Variants in CEP63 observed in about 807,000 individuals in gnomAD.
CEP63 encodes centrosomal protein 63, also known as centrosomal protein of 63 kDa.
A neutral mutation model predicts 89.1 loss-of-function variants in CEP63; 84 were observed. The ratio of observed to expected loss-of-function variants is 0.94; its 90% CI spans 0.79 to 1.13. The LOEUF is 1.13. Among genes scored for constraint, CEP63 ranks in the 50% most tolerant of loss-of-function variants. The pLI is 0.00. For synonymous variants in CEP63, 267 were observed against 272.5 expected, an observed-to-expected ratio of 0.98 and a Z score of 0.20; for missense variants, 838 against 813.3, an observed-to-expected ratio of 1.03 and a Z score of -0.37.
At chr3:134,608,734 C>T in the CEP63 span, 6 of 1,614,062 alleles carry the variant, frequency 3.7e-6, no homozygotes, top group Non-Finnish European at 5.1e-6. Flanking sequence ...TGTTCTCAAA[C>T]TGCCTCAGAG....
At chr3:134,686,507 G>A in the CEP63 span, among the ~76,000 whole-genome samples, 1 of 152,196 alleles carries the variant, frequency 6.6e-6, no homozygotes, top group Non-Finnish European at 1.5e-5. Context: ...CCCACAGTCA[G>A]AAGCCTTGCA....
chr3:134,612,565 A>G, the CEP63 span, among the ~76,000 whole-genome samples: 1 of 152,152 alleles, frequency 6.6e-6, no homozygotes, highest in African/African-American at 2.4e-5. Context: ...GCAAGGCCAG[A>G]GGAGTGGGTA....
chr3:134,598,965 C>T, the CEP63 span, among the ~76,000 whole-genome samples: 9 of 152,344 alleles, frequency 5.9e-5, no homozygotes, highest in African/African-American at 2.2e-4. Context: ...GGGCTTTCTC[C>T]AGCCCCTTGC....
chr3:134,588,431 TA>T (rs573340840), downstream of CEP63, among the ~76,000 whole-genome samples: 351 of 152,098 alleles, frequency 2.3e-3, 4 homozygotes, highest in Non-Finnish European at 9.3e-4. Context: ...AGATGGTATT[TA>T]AAAAAAATAT....
chr3:134,745,670 C>T, the CEP63 span, among the ~76,000 whole-genome samples: 1 of 151,984 alleles, frequency 6.6e-6, no homozygotes, highest in Non-Finnish European at 1.5e-5. Flanking sequence ...TCTCTTAATG[C>T]TATCTTTCCC....
intron 3 of CEP63, among the ~76,000 whole-genome samples, chr3:134,512,605 A>T (rs763862686): frequency 6.7e-4 from 101 of 150,506 alleles, no homozygotes; most frequent in Non-Finnish European, 1.2e-3. Context: ...TAGGATTCTT[A>T]CTTCTGTGAG....
the CEP63 span, among the ~76,000 whole-genome samples, chr3:134,716,700 G>C: frequency 6.6e-6 from 1 of 152,072 alleles, no homozygotes; most frequent in Non-Finnish European, 1.5e-5. Flanking sequence ...TCCTCTGTTG[G>C]TACTGTCTTC....
chr3:134,625,930 C>T, the CEP63 span, among the ~76,000 whole-genome samples: 1 of 152,280 alleles, frequency 6.6e-6, no homozygotes, highest in Non-Finnish European at 1.5e-5. Context: ...GGCCAGCAAT[C>T]ATGCAAGCTT....
intron 11 of CEP63, among the ~76,000 whole-genome samples, chr3:134,573,547 G>A (rs1339612936): frequency 6.6e-6 from 1 of 152,146 alleles, no homozygotes; most frequent in Non-Finnish European, 1.5e-5. Context: ...CTTTGTTGAA[G>A]ATCAGATGGC....
the CEP63 span, among the ~76,000 whole-genome samples, chr3:134,611,223 A>C: frequency 3.3e-5 from 5 of 152,344 alleles, no homozygotes; most frequent in African/African-American, 4.8e-5. Context: ...TTCACTGCTC[A>C]TAGTAGAGCT....
the CEP63 span, among the ~76,000 whole-genome samples, chr3:134,611,172 C>T: frequency 6.6e-6 from 1 of 152,236 alleles, no homozygotes; most frequent in African/African-American, 2.4e-5. Flanking sequence ...AAATGCCGAC[C>T]AGTCAACCTG....
the CEP63 span, chr3:134,625,270 C>G: frequency 1.4e-6 from 1 of 733,352 alleles, no homozygotes. Flanking sequence ...AACATTGAGC[C>G]TAAGAGCTAT....
the CEP63 span, chr3:134,608,429 T>C: frequency 2.7e-6 from 4 of 1,505,180 alleles, no homozygotes; most frequent in Non-Finnish European, 3.5e-6. Context: ...TGAGCTTTTG[T>C]CCCTGCTGAT....
intron 2 of CEP63, among the ~76,000 whole-genome samples, chr3:134,504,375 C>G (rs13071852): frequency 0.18 from 27,626 of 152,092 alleles, 3,279 homozygotes; most frequent in Non-Finnish European, 0.27. Context: ...TTCTTAGACA[C>G]CAGTTTTATT....
the CEP63 span, among the ~76,000 whole-genome samples, chr3:134,625,857 G>A: frequency 2.6e-5 from 4 of 152,254 alleles, no homozygotes; most frequent in African/African-American, 7.2e-5. Context: ...ACCAAACCAC[G>A]AGTCAGGTCT....
the CEP63 span, among the ~76,000 whole-genome samples, chr3:134,773,055 G>T: frequency 1.3e-5 from 2 of 152,320 alleles, no homozygotes; most frequent in African/African-American, 4.8e-5. Context: ...TCTGCCAAGG[G>T]TGCCTGCAGC....
chr3:134,620,623 T>C, the CEP63 span: 2 of 671,492 alleles, frequency 3.0e-6, no homozygotes, highest in African/African-American at 1.8e-5. Context: ...ATCAGTCCAG[T>C]CTTCTGGGTC....
rs1256901849 is a variant in CEP63, at chr3:134,564,275, C to T, written c.*2740C>T. 1.5e-5 allele frequency: 15 copies of T among 985,282 alleles called. No individual in the cohort carries two copies. The highest frequency in any genetic ancestry group is 1.8e-5 in the Non-Finnish European group (15 of 829,968). 61.0% of individuals were successfully genotyped at this position (985,282 alleles called of 1,614,324 possible). A position where few individuals can be genotyped will look rare whatever the true frequency, so the allele number is the denominator to read the frequency against. On this transcript the variant is annotated 3_prime_UTR_variant, in exon 15 of 15. Coordinates refer to ENST00000675561, the MANE Select transcript of CEP63 (RefSeq NM_001353108.3). ...ATGCCATTCCTGAGGTGCACCACATCGTTTCTTTTGTGTTGGTGTGCATGC... is the reference window on the plus strand; with the variant it reads ...ATGCCATTCCTGAGGTGCACCACATTGTTTCTTTTGTGTTGGTGTGCATGC...
At chr3:134,670,583 A>C in the CEP63 span, among the ~76,000 whole-genome samples, 5 of 152,376 alleles carry the variant, frequency 3.3e-5, no homozygotes, top group East Asian at 7.7e-4. Context: ...AGGACAGTGA[A>C]GTCTGATGAC....
Sources: gnomAD v4.1 joint callset for allele counts (sites outside exome capture counted in the v4.1 genomes callset) on GRCh38, gnomAD v4.1.1 for gene constraint, MANE v1.5 for transcripts, NCBI Gene and HGNC (gene_info 2026-07-23, HGNC 2026-07-21) for gene names.